Variants in PAPSS2 observed in about 807,000 individuals in gnomAD.
PAPSS2 encodes the protein 3'-phosphoadenosine 5'-phosphosulfate synthase 2, also known as bifunctional 3'-phosphoadenosine 5'-phosphosulfate synthase 2.
A neutral mutation model predicts 66.5 loss-of-function variants in PAPSS2; 61 were observed. The ratio of observed to expected loss-of-function variants is 0.92; its 90% confidence interval spans 0.75 to 1.14. The LOEUF is 1.14. Among genes scored for constraint, PAPSS2 ranks in the 50% most tolerant of loss-of-function variants. The pLI is 0.00. For missense variants in PAPSS2, 708 were observed against 789.6 expected, an observed-to-expected ratio of 0.90 and a Z score of 1.24; for synonymous variants, 289 against 287.5, an observed-to-expected ratio of 1.01 and a Z score of -0.05.
rs1853674317 is a variant in PAPSS2, at chr10:87,727,455, G to T, written c.1052G>T (p.Trp351Leu). 1 of 1,613,732 alleles carries T rather than the reference G, an allele frequency of 6.2e-7. No individual in the cohort carries two copies. The highest frequency in any genetic ancestry group is 2.2e-5 in the East Asian group (1 of 44,818). ...AAAGAGGAACGCTGTTCCCGTGTTT[G>T]GGGGACAACATGTACAAAACACCCC... is the stretch of plus-strand genomic sequence containing the variant. ...HRKEERCSRV[W>L]GTTCTKHPHI... The change falls in exon 9 of 13, where the codon TGG becomes TTG. Residue 351 changes from tryptophan (W) to leucine (L), a missense_variant. Transcript: ENST00000456849.
chr10:87,704,210 A>G (rs1220637063), intron 1 of PAPSS2, among the ~76,000 whole-genome samples: 1 of 152,232 alleles, frequency 6.6e-6, no homozygotes, highest in Non-Finnish European at 1.5e-5. Flanking sequence ...GTATTTATTT[A>G]TTTGTTTAAA....
chr10:87,738,772 A>G (rs1853831742), intron 9 of PAPSS2, among the ~76,000 whole-genome samples: 1 of 152,084 alleles, frequency 6.6e-6, no homozygotes, highest in African/African-American at 2.4e-5. Flanking sequence ...TTTGATTTGC[A>G]TTTCTCATAA....
chr10:87,725,575 C>G (rs1037269925), intron 8 of PAPSS2, among the ~76,000 whole-genome samples: 1 of 152,122 alleles, frequency 6.6e-6, no homozygotes, highest in Non-Finnish European at 1.5e-5. Flanking sequence ...GTGAGATTAC[C>G]AGTATCCTAA....
At chr10:87,741,400 T>G in intron 10 of PAPSS2, 30 bp downstream of exon 10, 10 of 1,574,238 alleles carry the variant, frequency 6.4e-6, no homozygotes, top group Non-Finnish European at 7.9e-6. Flanking sequence ...TGCATTTTAT[T>G]TATTTATTTA....
chr10:87,719,179 C>T (rs571058226), intron 7 of PAPSS2, among the ~76,000 whole-genome samples: 35 of 152,268 alleles, frequency 2.3e-4, no homozygotes, highest in Admixed American at 3.9e-4. Context: ...CCCTACCACT[C>T]GCCGTATGTT....
chr10:87,661,203 G>T, intron 1 of PAPSS2: 2 of 362,150 alleles, frequency 5.5e-6, no homozygotes, highest in Non-Finnish European at 1.1e-5. Context: ...GCCATGCAGG[G>T]CTAGAAGGGT....
chr10:87,725,275 C>T (rs1279758169), intron 8 of PAPSS2, among the ~76,000 whole-genome samples: 1 of 152,128 alleles, frequency 6.6e-6, no homozygotes, highest in East Asian at 1.9e-4. Flanking sequence ...CTGTCTCTTC[C>T]TTTGTGGTCC....
At position 87,743,620 on chromosome 10, in the gene PAPSS2, GTTATA is replaced by G; in HGVS notation, c.1472_1476del (p.Leu491CysfsTer34). On this transcript the variant is annotated frameshift_variant, in exon 11 of 13. Coordinates refer to ENST00000456849, the MANE Select transcript of PAPSS2 (RefSeq NM_001015880.2). LOFTEE classifies it high-confidence loss of function. ...TTGTTGCCATCTTTCCGTCTCCCAT[GTTATA>G]TGCTGGCCCCACAGAGGTGAGCAAT... is the stretch of plus-strand genomic sequence containing the variant. 5 of 1,614,158 alleles carry G rather than the reference GTTATA, an allele frequency of 3.1e-6. No individual in the cohort carries two copies. The highest frequency in any genetic ancestry group is 4.2e-6 in the Non-Finnish European group (5 of 1,180,012).
At chr10:87,686,525 C>T (rs1188948119) in intron 1 of PAPSS2, among the ~76,000 whole-genome samples, 2 of 152,084 alleles carry the variant, frequency 1.3e-5, no homozygotes, top group Non-Finnish European at 2.9e-5. Context: ...GATACTGTAT[C>T]CTATTCAGCC....
At chr10:87,725,969 C>T (rs1853655061) in intron 8 of PAPSS2, among the ~76,000 whole-genome samples, 1 of 151,658 alleles carries the variant, frequency 6.6e-6, no homozygotes, top group Non-Finnish European at 1.5e-5. Flanking sequence ...GTCACAAACT[C>T]TTGGCCTGAA....
chr10:87,686,932 G>A (rs1387494477), intron 1 of PAPSS2, among the ~76,000 whole-genome samples: 2 of 152,168 alleles, frequency 1.3e-5, no homozygotes, highest in Non-Finnish European at 2.9e-5. Context: ...TAAACCCTTA[G>A]TAGGATGCTA....
intron 9 of PAPSS2, among the ~76,000 whole-genome samples, chr10:87,740,275 G>A (rs938628804): frequency 5.3e-5 from 7 of 133,202 alleles, no homozygotes; most frequent in Admixed American, 2.8e-4. Context: ...GATGAGACTA[G>A]TAGTGATATT....
chr10:87,668,847 A>AG (rs1852843642), intron 1 of PAPSS2, among the ~76,000 whole-genome samples: 1 of 151,796 alleles, frequency 6.6e-6, no homozygotes, highest in Non-Finnish European at 1.5e-5. Context: ...CTAAGCTAGA[A>AG]CTCTGATCAC....
At chr10:87,681,519 A>C (rs1853021160) in intron 1 of PAPSS2, among the ~76,000 whole-genome samples, 1 of 152,238 alleles carries the variant, frequency 6.6e-6, no homozygotes, top group African/African-American at 2.4e-5. Flanking sequence ...AAAGAATGAA[A>C]AGACTTTTCT....
chr10:87,714,932 T>C, intron 5 of PAPSS2, 53 bp from the exon 6 acceptor site: 1 of 1,409,456 alleles, frequency 7.1e-7, no homozygotes, highest in East Asian at 2.3e-5. Flanking sequence ...GCCTCTTTAC[T>C]GAAGCATTCT....
chr10:87,684,807 C>T (rs1175757345), intron 1 of PAPSS2, among the ~76,000 whole-genome samples: 5 of 152,176 alleles, frequency 3.3e-5, no homozygotes, highest in Admixed American at 3.3e-4. Flanking sequence ...AATTGATTAC[C>T]TCAAGTCACA....
chr10:87,660,804 GAAAAAAAAAAAAAAAAAA>G (rs61018901), intron 1 of PAPSS2, among the ~76,000 whole-genome samples: 1 of 114,106 alleles, frequency 8.8e-6, no homozygotes, highest in Non-Finnish European at 1.8e-5. Context: ...CCAATAAACT[GAAAAAAAAAAAAAAAAAA>G]AAAAAAAAAA....
At chr10:87,663,078 T>C (rs1589415737) in intron 1 of PAPSS2, among the ~76,000 whole-genome samples, 1 of 146,252 alleles carries the variant, frequency 6.8e-6, no homozygotes, top group East Asian at 2.0e-4. Flanking sequence ...TTGTGCACAG[T>C]ATAACATTAT....
At chr10:87,691,634 A>T (rs543056408) in intron 1 of PAPSS2, among the ~76,000 whole-genome samples, 27 of 152,310 alleles carry the variant, frequency 1.8e-4, no homozygotes, top group Non-Finnish European at 3.7e-4. Flanking sequence ...TAAGTTTGGG[A>T]AATGAGATAT....
Sources: gnomAD v4.1 joint callset for allele counts (sites outside exome capture counted in the v4.1 genomes callset) on GRCh38, gnomAD v4.1.1 for gene constraint, MANE v1.5 for transcripts, NCBI Gene and HGNC (gene_info 2026-07-23, HGNC 2026-07-21) for gene names.